PCDHGA6: variants seen among roughly 807,000 people sequenced by gnomAD.
PCDHGA6 encodes the protein protocadherin gamma-A6.
A neutral mutation model predicts 60.6 loss-of-function variants in PCDHGA6; 41 were observed. The observed-to-expected ratio is 0.68, with a 90% CI of 0.53 to 0.88. The LOEUF (loss-of-function observed/expected upper bound fraction) is 0.88, where lower values mean the gene tolerates loss of function less well. PCDHGA6 is among the 40% of genes least tolerant of loss of function. The pLI, the probability that PCDHGA6 is intolerant of heterozygous loss-of-function variation, is 0.00. For synonymous variants in PCDHGA6, 594 were observed against 524.4 expected (o/e 1.13, Z -1.81); for missense variants, 1,312 against 1,203.0 (o/e 1.09, Z -1.34).
At position 141,410,351 on chromosome 5, in the gene PCDHGA6, C is replaced by T. The variant is rs372351374; in HGVS notation, c.2424+33844C>T. ...TCTGGCCATTGCCTTGCGCCTGCGA[C>T]GCTCTCTCAGCCCTGCTACTTGGGA... On this transcript the variant is annotated intron_variant, in intron 1 of 3. Coordinates refer to ENST00000517434, the MANE Select transcript of PCDHGA6 (RefSeq NM_018919.3). The T allele has an allele frequency of 2.5e-6, 4 of 1,613,948 alleles. No homozygotes were observed. In the African/African-American group the frequency reaches 4.0e-5, roughly 16 times the overall value.
chr5:141,417,947 T>A (rs958624664), intron 1 of PCDHGA6: 53 of 1,613,420 alleles, frequency 3.3e-5, no homozygotes, highest in Middle Eastern at 1.7e-4. Context: ...CCCCACGCTG[T>A]GTGAGCCGAT....
rs1334123861 is a variant in PCDHGA6, at chr5:141,414,743, C to G, written c.2424+38236C>G. On this transcript the variant is annotated intron_variant, in intron 1 of 3. Coordinates refer to ENST00000517434, the MANE Select transcript of PCDHGA6 (RefSeq NM_018919.3). ...ACTGGCGTCCTGTATGCACTCAGAT[C>G]CTTCGACTATGAGCAGTTTCATGAG... 1.9e-6 allele frequency: 3 copies of G among 1,614,216 alleles called. No homozygotes were observed. In the East Asian group the frequency reaches 6.7e-5, roughly 36 times the overall value.
At position 141,478,208 on chromosome 5, in the gene PCDHGA6, C is replaced by G. The variant is rs200735608; in HGVS notation, c.2425-16599C>G. The G allele has an allele frequency of 2.5e-6, 4 of 1,614,096 alleles. No individual in the cohort carries two copies. The East Asian group carries it at 8.9e-5, about 36-fold the overall frequency. ...TCTCACCTTTTATCTACTTCTTTCTCTAATCCTGGTTTCTGTGGGGTTTGT... is the reference window on the plus strand; with the variant it reads ...TCTCACCTTTTATCTACTTCTTTCTGTAATCCTGGTTTCTGTGGGGTTTGT... On this transcript the variant is annotated intron_variant, in intron 1 of 3. Coordinates refer to ENST00000517434, the MANE Select transcript of PCDHGA6 (RefSeq NM_018919.3).
Position 141,438,593 on chromosome 5 carries a change from T to TAC in PCDHGA6, c.2425-56213_2425-56212insCA, listed in dbSNP as rs1414976871. Reference sequence around the variant, plus strand: ...TGATATACATACATACATACATACATATATATATATATATATATATATATA... The same window carrying TAC: ...TGATATACATACATACATACATACATACATATATATATATATATATATATATA... On this transcript the variant is annotated intron_variant, in intron 1 of 3. Transcript: ENST00000517434. Among the ~76,000 whole-genome samples the TAC allele has an allele frequency of 1.6e-3, 115 of 73,944 alleles. 1 individual carries two copies. The highest frequency in any genetic ancestry group is 2.9e-3 in the African/African-American group (63 of 21,786). The allele number at this position is 73,944 out of a possible 152,430, so 48.5% of individuals were successfully genotyped here. A position where few individuals can be genotyped will look rare whatever the true frequency, so the allele number is the denominator to read the frequency against.
intron 1 of PCDHGA6, chr5:141,475,845 G>C: frequency 4.5e-6 from 2 of 448,002 alleles, no homozygotes; most frequent in Non-Finnish European, 7.9e-6. Context: ...TGCTCAGAGA[G>C]CCCGGCGCTA....
At chr5:141,492,755 C>T (rs938918009) in intron 1 of PCDHGA6, among the ~76,000 whole-genome samples, 3 of 152,262 alleles carry the variant, frequency 2.0e-5, no homozygotes, top group African/African-American at 7.2e-5. Flanking sequence ...CGCGGCAGGG[C>T]TCCGCGTTGG....
At chr5:141,461,799 G>T (rs1025237561) in intron 1 of PCDHGA6, among the ~76,000 whole-genome samples, 5 of 151,188 alleles carry the variant, frequency 3.3e-5, no homozygotes, top group Admixed American at 1.3e-4. Context: ...GATTACAGGT[G>T]CCCACCACCA....
chr5:141,500,294 C>T (rs755761935), intron 2 of PCDHGA6, among the ~76,000 whole-genome samples: 3 of 151,732 alleles, frequency 2.0e-5, no homozygotes, highest in Non-Finnish European at 2.9e-5. Flanking sequence ...CTGCAAGCTC[C>T]GCCTCCCAGG....
Position 141,432,928 on chromosome 5 carries a change from C to T in PCDHGA6, c.2424+56421C>T, listed in dbSNP as rs1443097611. ...GGCTGCGGCGCTGGCACAAGTCACG[C>T]CTGCTGCAGGCTTCAGGAGGCGGCT... On this transcript the variant is annotated intron_variant, in intron 1 of 3. Transcript: ENST00000517434. This position sits in a 1 kb window ranked among gnomAD's most constrained non-coding sequence, Gnocchi z 6.0. 1.2e-6 allele frequency: 2 copies of T among 1,614,066 alleles called. No homozygotes were observed. Among genetic ancestry groups the T allele is most frequent in the African/African-American group, 1.3e-5 (1 of 74,942 alleles).
At chr5:141,399,656 T>G in intron 1 of PCDHGA6, 1 of 1,613,694 alleles carries the variant, frequency 6.2e-7, no homozygotes, top group Non-Finnish European at 8.5e-7. Context: ...AGTGGGGTGG[T>G]GTTCGCGCAG....
rs778271895 is a variant in PCDHGA6 at position 141,404,140 on chromosome 5, T to C, written c.2424+27633T>C. ...AGAATCTATCTTTTACATTAGAAAA[T>C]TCAGAAGAAGATTATTACAGATTGT... On this transcript the variant is annotated intron_variant, in intron 1 of 3. Coordinates refer to ENST00000517434, the MANE Select transcript of PCDHGA6 (RefSeq NM_018919.3). The C allele has an allele frequency of 8.1e-6, 13 of 1,612,934 alleles. No homozygotes were observed. The South Asian group carries it at 1.3e-4, about 16-fold the overall frequency.
chr5:141,510,400 TA>T (rs780031896), intron 3 of PCDHGA6, among the ~76,000 whole-genome samples: 12 of 151,920 alleles, frequency 7.9e-5, no homozygotes, highest in Non-Finnish European at 1.3e-4. Flanking sequence ...TGGCAAAGGC[TA>T]GGGGCATGTA....
intron 1 of PCDHGA6, chr5:141,441,868 C>A: frequency 3.0e-6 from 1 of 338,212 alleles, no homozygotes; most frequent in Non-Finnish European, 5.8e-6. Flanking sequence ...CGCCGCGGAG[C>A]CTGGCTACCT....
intron 1 of PCDHGA6, chr5:141,395,503 G>A (rs1428846111): frequency 2.2e-6 from 1 of 457,378 alleles, no homozygotes; most frequent in Non-Finnish European, 3.8e-6. Flanking sequence ...ATTCACTTAA[G>A]AAGTAGCTAC....
At position 141,393,679 on chromosome 5, in the gene PCDHGA6, C is replaced by T. The variant is rs1188443485; in HGVS notation, c.2424+17172C>T. 4.3e-6 allele frequency: 7 copies of T among 1,613,894 alleles called. No individual in the cohort carries two copies. Among genetic ancestry groups the T allele is most frequent in the Non-Finnish European group, 5.9e-6 (7 of 1,179,900 alleles). ...TTCCGGAAAATTAATGAAAAACAAA[C>T]TCCGTTATTCCAGCTTAATGAAAAT... On this transcript the variant is annotated intron_variant, in intron 1 of 3. Transcript: ENST00000517434.
rs774898388 is a variant in PCDHGA6, at chr5:141,491,593, A to G, written c.2425-3214A>G. 6.8e-6 allele frequency: 11 copies of G among 1,613,918 alleles called. No individual in the cohort carries two copies. In the Admixed American group the frequency reaches 1.2e-4, roughly 17 times the overall value. Reference sequence around the variant, plus strand: ...GTGCTTTTCACCGGCCTCGGACGGCAGTGACTTCACTTTTCTAAGACCCCT... The same window carrying G: ...GTGCTTTTCACCGGCCTCGGACGGCGGTGACTTCACTTTTCTAAGACCCCT... On this transcript the variant is annotated intron_variant, in intron 1 of 3. Transcript: ENST00000517434. This position sits in a 1 kb window ranked among gnomAD's most constrained non-coding sequence, Gnocchi z 6.9.
Position 141,431,697 on chromosome 5 carries a change from G to A in PCDHGA6, c.2424+55190G>A. The A allele has an allele frequency of 6.2e-7, 1 of 1,614,206 alleles. No homozygotes were observed. Among genetic ancestry groups the A allele is most frequent in the South Asian group, 1.1e-5 (1 of 91,084 alleles). On this transcript the variant is annotated intron_variant, in intron 1 of 3. Transcript: ENST00000517434. This position sits in a 1 kb window ranked among gnomAD's most constrained non-coding sequence, Gnocchi z 4.8. Reference sequence around the variant, plus strand: ...GGGGAGTTGGACCACGAGGAGTCAGGATTCTACCAGATGGAAGTGCAAGCA... The same window carrying A: ...GGGGAGTTGGACCACGAGGAGTCAGAATTCTACCAGATGGAAGTGCAAGCA...
At position 141,423,009 on chromosome 5, in the gene PCDHGA6, G is replaced by A. The variant is rs371209178; in HGVS notation, c.2424+46502G>A. 28 of 1,614,222 alleles carry A rather than the reference G, an allele frequency of 1.7e-5. No individual in the cohort carries two copies. The East Asian group carries it at 4.9e-4, about 28-fold the overall frequency. On this transcript the variant is annotated intron_variant, in intron 1 of 3. Transcript: ENST00000517434. ...GCTACCTGGTGACCAAGGTGGTTGC[G>A]GTGGACAAAGATTCAGGCCAGAACG...
At chr5:141,504,462 G>A (rs1375731108) in intron 2 of PCDHGA6, among the ~76,000 whole-genome samples, 5 of 152,074 alleles carry the variant, frequency 3.3e-5, no homozygotes, top group African/African-American at 9.7e-5. Flanking sequence ...TGGGGCAGCC[G>A]CTGGGATGGG....
Sources: gnomAD v4.1 joint callset for allele counts (sites outside exome capture counted in the v4.1 genomes callset) on GRCh38, gnomAD v4.1.1 for gene constraint, Gnocchi (gnomAD v3.1) non-coding constraint, MANE v1.5 for transcripts, NCBI Gene and HGNC (gene_info 2026-07-23, HGNC 2026-07-21) for gene names.